The following METTL15 variants were observed in gnomAD, a reference collection of about 807,000 sequenced individuals.
METTL15 encodes the protein 12S rRNA N(4)-cytidine methyltransferase METTL15.
Under a neutral mutation model 38.3 loss-of-function variants are expected in METTL15, and 34 were observed. That is an observed-to-expected ratio of 0.89 (90% confidence interval 0.68 to 1.18). The LOEUF is 1.18. Among genes scored for constraint, METTL15 ranks in the 50% most tolerant of loss-of-function variants. The pLI, the probability that METTL15 is intolerant of heterozygous loss-of-function variation, is 0.00. For missense variants in METTL15, 438 were observed against 498.4 expected (o/e 0.88, Z 1.15); for synonymous variants, 162 against 170.9 (o/e 0.95, Z 0.41).
chr11:28,479,005 A>C (rs186051618), intron 6 of METTL15, among the ~76,000 whole-genome samples: 8 of 152,080 alleles, frequency 5.3e-5, no homozygotes, highest in Admixed American at 2.0e-4. Flanking sequence ...TACTACTACT[A>C]TAAGAATGTA....
At chr11:28,298,700 T>A (rs1856819313) in intron 6 of METTL15, among the ~76,000 whole-genome samples, 1 of 152,090 alleles carries the variant, frequency 6.6e-6, no homozygotes, top group Non-Finnish European at 1.5e-5. Flanking sequence ...AGTGAAAATA[T>A]TCATATATGG....
intron 4 of METTL15, among the ~76,000 whole-genome samples, chr11:28,358,475 GAGA>G (rs1482330612): frequency 2.0e-5 from 3 of 152,206 alleles, no homozygotes; most frequent in East Asian, 1.9e-4. Context: ...AAACAGAACA[GAGA>G]AGAAGTGTCC....
chr11:28,418,598 C>A (rs1203138568), intron 5 of METTL15, among the ~76,000 whole-genome samples: 2 of 152,118 alleles, frequency 1.3e-5, no homozygotes, highest in Non-Finnish European at 2.9e-5. Context: ...TACAAAATAG[C>A]CCTTCATAAA....
intron 6 of METTL15, among the ~76,000 whole-genome samples, chr11:28,501,697 C>T (rs1851583894): frequency 6.6e-6 from 1 of 152,098 alleles, no homozygotes; most frequent in African/African-American, 2.4e-5. Context: ...ACAGAACTCT[C>T]AGGAGTAAGA....
At chr11:28,275,665 G>A (rs969790934) in intron 4 of METTL15, among the ~76,000 whole-genome samples, 2 of 149,584 alleles carry the variant, frequency 1.3e-5, no homozygotes, top group Non-Finnish European at 3.0e-5. Flanking sequence ...AAGTCTACAG[G>A]CCAGTAGCCC....
chr11:28,225,266 G>A (rs967698969), intron 4 of METTL15, among the ~76,000 whole-genome samples: 1 of 151,596 alleles, frequency 6.6e-6, no homozygotes, highest in Non-Finnish European at 1.5e-5. Flanking sequence ...TTATTTCAAT[G>A]GGCCTACTAG....
intron 6 of METTL15, among the ~76,000 whole-genome samples, chr11:28,484,549 C>G (rs1851422344): frequency 6.6e-6 from 1 of 152,234 alleles, no homozygotes; most frequent in South Asian, 2.1e-4. Context: ...ATTGCAGTCT[C>G]TATATAGGCC....
intron 6 of METTL15, among the ~76,000 whole-genome samples, chr11:28,456,112 C>G (rs1183989832): frequency 2.0e-5 from 3 of 151,898 alleles, no homozygotes; most frequent in Non-Finnish European, 4.4e-5. Context: ...CTCAAGTGTT[C>G]CTTCAACCTC....
intron 6 of METTL15, among the ~76,000 whole-genome samples, chr11:28,430,265 G>A (rs1375586982): frequency 1.4e-5 from 2 of 147,396 alleles, no homozygotes; most frequent in Non-Finnish European, 3.0e-5. Context: ...CGCCCCATCC[G>A]GGAGGGAGGT....
intron 3 of METTL15, among the ~76,000 whole-genome samples, chr11:28,205,127 T>A (rs1852271349): frequency 6.6e-6 from 1 of 152,056 alleles, no homozygotes; most frequent in South Asian, 2.1e-4. Context: ...TTATTATACT[T>A]TAAGTTTTAG....
intron 3 of METTL15, among the ~76,000 whole-genome samples, chr11:28,122,849 C>CT (rs1852311331): frequency 1.3e-5 from 2 of 151,862 alleles, no homozygotes; most frequent in Admixed American, 1.3e-4. Context: ...TTTAAATTAT[C>CT]TTTTTTCTAG....
chr11:28,179,086 G>A (rs1487996243), intron 3 of METTL15, among the ~76,000 whole-genome samples: 1 of 151,690 alleles, frequency 6.6e-6, no homozygotes, highest in East Asian at 1.9e-4. Flanking sequence ...AATAGAGAGA[G>A]AAAATGCACA....
At chr11:28,480,546 G>A (rs989604638) in intron 6 of METTL15, among the ~76,000 whole-genome samples, 1 of 152,124 alleles carries the variant, frequency 6.6e-6, no homozygotes, top group East Asian at 1.9e-4. Context: ...GACAGCTCTC[G>A]TAAGCAGTAC....
chr11:28,349,651 G>T (rs1850025515), intron 3 of METTL15, among the ~76,000 whole-genome samples: 1 of 152,062 alleles, frequency 6.6e-6, no homozygotes, highest in Non-Finnish European at 1.5e-5. Context: ...TTTAATTGCA[G>T]AAAGAATTAA....
intron 5 of METTL15, among the ~76,000 whole-genome samples, chr11:28,389,707 T>C (rs1172336729): frequency 1.3e-5 from 2 of 151,932 alleles, no homozygotes; most frequent in Non-Finnish European, 2.9e-5. Context: ...TGCATGTGTC[T>C]TTATAGCAGC....
intron 4 of METTL15, among the ~76,000 whole-genome samples, chr11:28,233,852 G>A (rs555785824): frequency 6.6e-6 from 1 of 151,498 alleles, no homozygotes; most frequent in African/African-American, 2.4e-5. Context: ...TGTGCACAAT[G>A]TGCAGGTTAG....
At chr11:28,126,713 A>G (rs1489075798) in intron 3 of METTL15, among the ~76,000 whole-genome samples, 1 of 152,136 alleles carries the variant, frequency 6.6e-6, no homozygotes, top group Non-Finnish European at 1.5e-5. Context: ...GGTACAATGC[A>G]CTTAGTACTG....
intron 6 of METTL15, among the ~76,000 whole-genome samples, chr11:28,326,921 A>G (rs1327712665): frequency 6.6e-6 from 1 of 152,056 alleles, no homozygotes; most frequent in Non-Finnish European, 1.5e-5. Context: ...AATTACAAGC[A>G]TGAGCCATCG....
At chr11:28,319,163 ATC>A (rs1210550341) in intron 6 of METTL15, among the ~76,000 whole-genome samples, 2 of 152,160 alleles carry the variant, frequency 1.3e-5, no homozygotes, top group Non-Finnish European at 2.9e-5. Flanking sequence ...CCATTAAAAC[ATC>A]TCTCAGTAAA....
Sources: allele counts gnomAD v4.1 joint callset (sites outside exome capture counted in the v4.1 genomes callset), GRCh38; gene constraint gnomAD v4.1.1; transcripts MANE v1.5; gene names NCBI Gene and HGNC (gene_info 2026-07-23, HGNC 2026-07-21).